Variants in CMTM8 observed in about 807,000 individuals in gnomAD.
CMTM8 encodes the protein CKLF like MARVEL transmembrane domain containing 8.
CMTM8 carries 12 observed loss-of-function variants against 18.6 expected under a neutral mutation model. The observed-to-expected ratio is 0.65, with a 90% CI of 0.41 to 1.05. The LOEUF is 1.05. Ranked by LOEUF, CMTM8 falls within the 50% of genes least tolerant of loss-of-function variation. The probability of loss-of-function intolerance (pLI) is 0.00; values close to 1 mark genes in which losing one functional copy is unlikely to be tolerated. For synonymous variants in CMTM8, 87 were observed against 90.6 expected, an observed-to-expected ratio of 0.96 and a Z score of 0.23; for missense variants, 217 against 227.2, an observed-to-expected ratio of 0.95 and a Z score of 0.29.
chr3:32,301,504 T>C (rs963598936), intron 1 of CMTM8, among the ~76,000 whole-genome samples: 55 of 152,212 alleles, frequency 3.6e-4, no homozygotes, highest in African/African-American at 1.3e-3. Context: ...CACCTTATCT[T>C]TCCCTCCTGC....
rs139467667 is a variant in CMTM8, at chr3:32,349,880, C to T, written c.148-7493C>T. Reference sequence around the variant, plus strand: ...AAAATTAGCTGGGTGTGGTGGCGCACGCTTGTAATCCCAGCTACTCAGGAG... The same window carrying T: ...AAAATTAGCTGGGTGTGGTGGCGCATGCTTGTAATCCCAGCTACTCAGGAG... On this transcript the variant is annotated intron_variant, in intron 1 of 3. Coordinates refer to ENST00000307526, the MANE Select transcript of CMTM8 (RefSeq NM_178868.5). 2.4e-3 allele frequency among the ~76,000 whole-genome samples: 369 copies of T among 152,108 alleles called. 2 individuals are homozygous for T. Among genetic ancestry groups the T allele is most frequent in the African/African-American group, 8.4e-3 (347 of 41,508 alleles).
At chr3:32,293,080 T>TATAG (rs900237377) in intron 1 of CMTM8, among the ~76,000 whole-genome samples, 2 of 147,898 alleles carry the variant, frequency 1.4e-5, no homozygotes, top group African/African-American at 2.5e-5. Flanking sequence ...TGTGTGTGTA[T>TATAG]ATATATATAT....
At chr3:32,275,036 C>A (rs915102920) in intron 1 of CMTM8, among the ~76,000 whole-genome samples, 13 of 152,188 alleles carry the variant, frequency 8.5e-5, no homozygotes, top group African/African-American at 3.1e-4. Flanking sequence ...CAGAGTCTCA[C>A]TCAGTCGCCC....
At chr3:32,362,020 G>A (rs1326220933) in intron 2 of CMTM8, among the ~76,000 whole-genome samples, 9 of 145,150 alleles carry the variant, frequency 6.2e-5, no homozygotes, top group South Asian at 2.2e-4. Flanking sequence ...TCCTTTTACC[G>A]GTTAAAGCAG....
chr3:32,298,798 A>AT (rs1695539152), intron 1 of CMTM8, among the ~76,000 whole-genome samples: 3 of 136,236 alleles, frequency 2.2e-5, no homozygotes, highest in Admixed American at 7.4e-5. Flanking sequence ...ACACCCAGCT[A>AT]ATATATATAT....
rs376610149 is a variant in CMTM8, at chr3:32,239,112, C to T, written c.140C>T (p.Ala47Val). Residue 47 changes from alanine (A) to valine (V), a missense_variant, in exon 1 of 4, where the codon GCC (alanine) becomes GTC (valine). Physicochemically the swap from Ala to Val is moderately conservative, Grantham distance 64. Coordinates refer to ENST00000307526, the MANE Select transcript of CMTM8 (RefSeq NM_178868.5). ...LRTLPGFLIVAEIVLGLLVWT... is the reference protein window; with the variant it reads ...LRTLPGFLIVVEIVLGLLVWT... The stretch of plus-strand genomic sequence containing the variant: ...ACCCTGCCCGGCTTCCTCATCGTGG[C>T]CGAGATCGTGAGTGCCGACGGGCCG... 2.5e-6 allele frequency: 4 copies of T among 1,598,676 alleles called. No individual in the cohort carries two copies. Among genetic ancestry groups the T allele is most frequent in the African/African-American group, 1.3e-5 (1 of 74,456 alleles).
chr3:32,337,334 C>G (rs1696407938), intron 1 of CMTM8, among the ~76,000 whole-genome samples: 1 of 152,192 alleles, frequency 6.6e-6, no homozygotes, highest in African/African-American at 2.4e-5. Flanking sequence ...ACAACACCAG[C>G]CAGGCCTGCA....
intron 1 of CMTM8, among the ~76,000 whole-genome samples, chr3:32,326,646 A>C (rs1696164262): frequency 6.6e-6 from 1 of 150,684 alleles, no homozygotes; most frequent in Non-Finnish European, 1.5e-5. Context: ...CCTCCCAAGT[A>C]GCTGGGACTA....
chr3:32,278,021 G>A (rs769508444), intron 1 of CMTM8, among the ~76,000 whole-genome samples: 4 of 152,208 alleles, frequency 2.6e-5, no homozygotes, highest in Admixed American at 2.0e-4. Context: ...TGATAGCTCC[G>A]TGGTGTCAGA....
chr3:32,306,667 T>C (rs779549399), intron 1 of CMTM8, among the ~76,000 whole-genome samples: 2 of 152,190 alleles, frequency 1.3e-5, no homozygotes, highest in Non-Finnish European at 2.9e-5. Flanking sequence ...TACATCTACC[T>C]GGAATGTCTA....
chr3:32,325,649 A>G (rs1696135554), intron 1 of CMTM8, among the ~76,000 whole-genome samples: 1 of 152,050 alleles, frequency 6.6e-6, no homozygotes, highest in South Asian at 2.1e-4. Flanking sequence ...TTACTTTTTA[A>G]ATTTTTGTGA....
intron 1 of CMTM8, among the ~76,000 whole-genome samples, chr3:32,321,252 C>G (rs1049225696): frequency 6.6e-6 from 1 of 152,092 alleles, no homozygotes; most frequent in African/African-American, 2.4e-5. Flanking sequence ...AGATGAGGCT[C>G]GGGTCACATG....
At chr3:32,274,188 C>T (rs543764829) in intron 1 of CMTM8, among the ~76,000 whole-genome samples, 25 of 151,644 alleles carry the variant, frequency 1.6e-4, no homozygotes, top group Non-Finnish European at 3.2e-4. Flanking sequence ...TGCATGCCTG[C>T]GGTCCCAGCT....
intron 1 of CMTM8, among the ~76,000 whole-genome samples, chr3:32,289,946 C>T (rs1423143705): frequency 1.3e-5 from 2 of 152,092 alleles, no homozygotes; most frequent in African/African-American, 2.4e-5. Flanking sequence ...GCCTGGGCAA[C>T]ATGGTGAAAC....
chr3:32,340,020 A>G (rs1412567641), intron 1 of CMTM8, among the ~76,000 whole-genome samples: 2 of 152,160 alleles, frequency 1.3e-5, no homozygotes, highest in Non-Finnish European at 2.9e-5. Flanking sequence ...GAGGCTGTGA[A>G]TTTGTGGATT....
At chr3:32,265,170 G>A (rs1186394508) in intron 1 of CMTM8, among the ~76,000 whole-genome samples, 11 of 151,952 alleles carry the variant, frequency 7.2e-5, no homozygotes, top group East Asian at 5.8e-4. Flanking sequence ...GCACCACACC[G>A]CACTTACTCC....
chr3:32,353,654 C>T (rs951226793), intron 1 of CMTM8, among the ~76,000 whole-genome samples: 2 of 151,910 alleles, frequency 1.3e-5, no homozygotes, highest in Non-Finnish European at 2.9e-5. Context: ...GATGTGCAGG[C>T]GGTGGTTATA....
intron 1 of CMTM8, among the ~76,000 whole-genome samples, chr3:32,271,540 CATT>C (rs773510691): frequency 9.9e-5 from 15 of 152,218 alleles, no homozygotes; most frequent in South Asian, 2.1e-4. Context: ...CTCCATTCAT[CATT>C]GAGTGTTTTT....
At chr3:32,269,256 CCTT>C (rs560292608) in intron 1 of CMTM8, among the ~76,000 whole-genome samples, 39 of 152,234 alleles carry the variant, frequency 2.6e-4, no homozygotes, top group Middle Eastern at 6.8e-3. Flanking sequence ...GAAGCTCTGA[CCTT>C]CTTCTGTTCT....
Sources: gnomAD v4.1 joint callset for allele counts (sites outside exome capture counted in the v4.1 genomes callset) on GRCh38, gnomAD v4.1.1 for gene constraint, MANE v1.5 for transcripts, NCBI Gene and HGNC (gene_info 2026-07-23, HGNC 2026-07-21) for gene names.